LIMD1: variants seen among roughly 807,000 people sequenced by gnomAD.
The protein encoded by LIMD1 is LIM domain containing 1.
LIMD1 carries 23 observed loss-of-function variants against 58.4 expected under a neutral mutation model. That is an observed-to-expected ratio of 0.39 (90% CI 0.28 to 0.56). The LOEUF is 0.56. Among genes scored for constraint, LIMD1 ranks in the 20% least tolerant of loss-of-function variants. The pLI is 0.57. For synonymous variants in LIMD1, 334 were observed against 345.5 expected (o/e 0.97, Z 0.37); for missense variants, 838 against 855.5 (o/e 0.98, Z 0.25).
At chr3:45,647,634 A>G (rs903204018) in intron 2 of LIMD1, among the ~76,000 whole-genome samples, 3 of 152,194 alleles carry the variant, frequency 2.0e-5, no homozygotes, top group Admixed American at 6.5e-5. Flanking sequence ...TGTCTCTTGC[A>G]TGGATCACTG....
chr3:45,657,338 C>T (rs1697350062), intron 2 of LIMD1, among the ~76,000 whole-genome samples: 1 of 151,996 alleles, frequency 6.6e-6, no homozygotes, highest in African/African-American at 2.4e-5. Flanking sequence ...AAGTAAAAGG[C>T]CCAGTACCTA....
intron 2 of LIMD1, among the ~76,000 whole-genome samples, chr3:45,646,604 T>C (rs1281486189): frequency 6.6e-6 from 1 of 152,242 alleles, no homozygotes; most frequent in Non-Finnish European, 1.5e-5. Flanking sequence ...TTCATTTTAA[T>C]TAATTAAAGT....
chr3:45,643,236 G>C (rs542321971), intron 2 of LIMD1, among the ~76,000 whole-genome samples: 1 of 152,274 alleles, frequency 6.6e-6, no homozygotes, highest in South Asian at 2.1e-4. Context: ...TGTAATCCCA[G>C]CACTTTGGGA....
chr3:45,677,851 C>T lies in LIMD1; in HGVS notation c.*792C>T, dbSNP rs1453580714. 1 of 151,926 alleles carries T rather than the reference C, an allele frequency of 6.6e-6. No individual in the cohort carries two copies. The highest frequency in any genetic ancestry group is 1.5e-5 in the Non-Finnish European group (1 of 67,978). 9.4% of individuals were successfully genotyped at this position (151,926 alleles called of 1,614,324 possible). ...ATTTTTTTTTTTGCCCACGTGTTTG[C>T]GCTGTTTTTCTCTGGAGTTCTCAAG... On this transcript the variant is annotated 3_prime_UTR_variant, in exon 8 of 8. Transcript: ENST00000273317.
chr3:45,613,503 T>A (rs1701545965), intron 1 of LIMD1, among the ~76,000 whole-genome samples: 1 of 152,192 alleles, frequency 6.6e-6, no homozygotes, highest in Non-Finnish European at 1.5e-5. Flanking sequence ...TTATCAATTG[T>A]GCTTTTGTTT....
At chr3:45,667,242 A>G (rs1426214853) in intron 3 of LIMD1, among the ~76,000 whole-genome samples, 1 of 152,174 alleles carries the variant, frequency 6.6e-6, no homozygotes, top group African/African-American at 2.4e-5. Context: ...GCCTGGAAAA[A>G]GTAACAGTGC....
chr3:45,609,936 G>C (rs1401932406), intron 1 of LIMD1, among the ~76,000 whole-genome samples: 1 of 152,214 alleles, frequency 6.6e-6, no homozygotes, highest in Non-Finnish European at 1.5e-5. Flanking sequence ...GCCCATGCCT[G>C]TAATCCCAGC....
chr3:45,633,869 T>C (rs566504596), intron 1 of LIMD1, among the ~76,000 whole-genome samples: 4 of 152,258 alleles, frequency 2.6e-5, no homozygotes, highest in African/African-American at 7.2e-5. Flanking sequence ...CTTAAAATGA[T>C]ATGAACTCTG....
chr3:45,617,488 A>G (rs1307841401), intron 1 of LIMD1, among the ~76,000 whole-genome samples: 1 of 152,108 alleles, frequency 6.6e-6, no homozygotes, highest in Non-Finnish European at 1.5e-5. Context: ...TGCCCTACCC[A>G]TTCCTCCCAC....
In LIMD1 at chr3:45,663,709, T is replaced by G. The variant is rs147191981; in HGVS notation, c.1511-1941T>G. The stretch of plus-strand genomic sequence containing the variant: ...CTTATTAATTGGTGTTCTTTGTGTC[T>G]TAGGTACTAATACTATTTTAATTTA... On this transcript the variant is annotated intron_variant, in intron 2 of 7. Transcript: ENST00000273317. Among the ~76,000 whole-genome samples the G allele has an allele frequency of 4.6e-3, 694 of 152,042 alleles. 26 individuals are homozygous for G. Among genetic ancestry groups the G allele is most frequent in the Admixed American group, 0.038 (575 of 15,270 alleles).
In LIMD1 at chr3:45,595,278, A is replaced by G. The variant is rs771077632; in HGVS notation, c.399A>G (p.Arg133=). The G allele has an allele frequency of 6.2e-7, 1 of 1,612,826 alleles. No individual in the cohort carries two copies. The highest frequency in any genetic ancestry group is 1.3e-5 in the African/African-American group (1 of 75,052). Residue 133 remains arginine (R), a synonymous_variant, in exon 1 of 8, where the codon AGA becomes AGG. Coordinates refer to ENST00000273317, the MANE Select transcript of LIMD1 (RefSeq NM_014240.3). ...GQPPYPPQEQ[R]SRPYLHGTRH... ...CCCCGTACCCACCGCAGGAGCAGAGATCCAGGCCATACCTGCATGGCACGA... is the reference window on the plus strand; with the variant it reads ...CCCCGTACCCACCGCAGGAGCAGAGGTCCAGGCCATACCTGCATGGCACGA...
At chr3:45,657,885 A>G (rs945919812) in intron 2 of LIMD1, among the ~76,000 whole-genome samples, 1 of 152,194 alleles carries the variant, frequency 6.6e-6, no homozygotes, top group African/African-American at 2.4e-5. Context: ...TGACATTGAC[A>G]TGTGATGTGT....
Position 45,594,795 on chromosome 3 carries a change from A to ACACACACACACACAC in LIMD1, c.-84_-70dup. 1 of 113,324 alleles carries ACACACACACACACAC rather than the reference A, an allele frequency of 8.8e-6. No homozygotes were observed. The highest frequency in any genetic ancestry group is 3.7e-4 in the East Asian group (1 of 2,732). 7.0% of individuals were successfully genotyped at this position (113,324 alleles called of 1,614,324 possible). A position where few individuals can be genotyped will look rare whatever the true frequency, so the allele number is the denominator to read the frequency against. ...CTGCCCTCAACACACACACACACACACACACACACACACACACACACACAC... is the reference window on the plus strand; with the variant it reads ...CTGCCCTCAACACACACACACACACACACACACACACACACCACACACACACACACACACACACAC... On this transcript the variant is annotated 5_prime_UTR_variant, in exon 1 of 8. Transcript: ENST00000273317.
At chr3:45,645,777 C>T (rs1441909831) in intron 2 of LIMD1, among the ~76,000 whole-genome samples, 4 of 152,136 alleles carry the variant, frequency 2.6e-5, no homozygotes, top group Non-Finnish European at 5.9e-5. Flanking sequence ...TCATGTGTCT[C>T]TCAGCTCTTC....
At chr3:45,599,459 A>G (rs1250937279) in intron 1 of LIMD1, among the ~76,000 whole-genome samples, 2 of 152,200 alleles carry the variant, frequency 1.3e-5, no homozygotes, top group Non-Finnish European at 2.9e-5. Context: ...CTTCACAGAT[A>G]AGCAAGCACG....
intron 4 of LIMD1, among the ~76,000 whole-genome samples, chr3:45,668,688 G>A (rs1007226758): frequency 1.3e-5 from 2 of 151,374 alleles, no homozygotes; most frequent in Admixed American, 6.6e-5. Context: ...TGGAGGCGGA[G>A]TTTGCAGTGA....
intron 4 of LIMD1, among the ~76,000 whole-genome samples, chr3:45,670,465 T>C (rs188651092): frequency 7.2e-5 from 11 of 152,306 alleles, no homozygotes; most frequent in African/African-American, 2.6e-4. Flanking sequence ...TGTGTGGCAT[T>C]GGCTGGGGTC....
intron 1 of LIMD1, among the ~76,000 whole-genome samples, chr3:45,598,300 A>G (rs1277966636): frequency 3.9e-5 from 6 of 152,330 alleles, no homozygotes; most frequent in Admixed American, 2.6e-4. Context: ...ACTGTGAACT[A>G]TCTTTTCTCC....
intron 7 of LIMD1, among the ~76,000 whole-genome samples, chr3:45,676,337 A>AC (rs1230725704): frequency 1.3e-5 from 2 of 149,906 alleles, no homozygotes; most frequent in Non-Finnish European, 3.0e-5. Flanking sequence ...AATTTATTTT[A>AC]TTTCTTCTAA....
Sources: gnomAD v4.1 joint callset for allele counts (sites outside exome capture counted in the v4.1 genomes callset) on GRCh38, gnomAD v4.1.1 for gene constraint, MANE v1.5 for transcripts, NCBI Gene and HGNC (gene_info 2026-07-23, HGNC 2026-07-21) for gene names.